The following FZD3 variants were observed in gnomAD, a reference collection of about 807,000 sequenced individuals.
FZD3 encodes the protein frizzled class receptor 3.
FZD3 carries 30 observed loss-of-function variants against 60.7 expected under a neutral mutation model. The observed-to-expected ratio is 0.49, with a 90% CI of 0.37 to 0.67. The LOEUF (loss-of-function observed/expected upper bound fraction) is 0.67. Ranked by LOEUF, FZD3 falls within the 30% of genes least tolerant of loss-of-function variation. FZD3 has a pLI of 0.00. For synonymous variants in FZD3, 246 were observed against 275.2 expected, an observed-to-expected ratio of 0.89 and a Z score of 1.05; for missense variants, 605 against 838.7, an observed-to-expected ratio of 0.72 and a Z score of 3.44.
intron 5 of FZD3, among the ~76,000 whole-genome samples, chr8:28,534,809 G>T (rs1406850219): frequency 1.3e-5 from 2 of 152,124 alleles, no homozygotes; most frequent in East Asian, 3.8e-4. Context: ...TCTGAATTAA[G>T]CACCAGTGAT....
chr8:28,494,396 C>G (rs1803778175), intron 1 of FZD3, 53 bp downstream of exon 1: 2 of 152,344 alleles, frequency 1.3e-5, no homozygotes, highest in African/African-American at 2.4e-5. Flanking sequence ...GGAGAAGGAG[C>G]GGCGAGTGTG....
chr8:28,508,497 T>C (rs1171292314), intron 3 of FZD3, among the ~76,000 whole-genome samples: 1 of 150,998 alleles, frequency 6.6e-6, no homozygotes, highest in Non-Finnish European at 1.5e-5. Flanking sequence ...TCAAGTAATA[T>C]TGCAGGGTGT....
chr8:28,511,208 C>T (rs1479958370), intron 3 of FZD3, among the ~76,000 whole-genome samples: 5 of 151,888 alleles, frequency 3.3e-5, no homozygotes, highest in African/African-American at 9.7e-5. Flanking sequence ...AAAAGTTGGC[C>T]GGGCACAGTG....
At chr8:28,538,245 A>C (rs1303069130) in intron 5 of FZD3, among the ~76,000 whole-genome samples, 1 of 152,048 alleles carries the variant, frequency 6.6e-6, no homozygotes, top group Non-Finnish European at 1.5e-5. Flanking sequence ...ACGTATTTCC[A>C]GTAATCTTTG....
At chr8:28,542,981 A>G (rs944165548) in intron 5 of FZD3, among the ~76,000 whole-genome samples, 2 of 152,146 alleles carry the variant, frequency 1.3e-5, no homozygotes, top group Non-Finnish European at 2.9e-5. Context: ...GTAGGATAGG[A>G]TGTATCTCTA....
Position 28,567,284 on chromosome 8 carries a change from A to C in FZD3, c.*4273A>C, listed in dbSNP as rs536286665. The C allele has an allele frequency of 1.3e-5, 2 of 152,272 alleles. No individual in the cohort carries two copies. The highest frequency in any genetic ancestry group is 4.8e-5 in the African/African-American group (2 of 41,510). The allele number at this position is 152,272 out of a possible 1,614,324, so 9.4% of individuals were successfully genotyped here. On this transcript the variant is annotated 3_prime_UTR_variant, in exon 8 of 8. Coordinates refer to ENST00000240093, the MANE Select transcript of FZD3 (RefSeq NM_017412.4). The stretch of plus-strand genomic sequence containing the variant: ...TTCTTCTGTCTCAGCCTCCCGAGTA[A>C]CTGGGACTACAGGTGCGTGCCACCA...
rs1238187720 is a variant in FZD3 at position 28,573,845 on chromosome 8, T to C, written c.*10834T>C. ...CTTAGCAGTTTAGTTTTCCAAACTT[T>C]ATTCTGAATCAAATTGCTGAGGTGA... On this transcript the variant is annotated 3_prime_UTR_variant, in exon 8 of 8. Coordinates refer to ENST00000240093, the MANE Select transcript of FZD3 (RefSeq NM_017412.4). 2 of 152,220 alleles carry C rather than the reference T, an allele frequency of 1.3e-5. No individual in the cohort carries two copies. The highest frequency in any genetic ancestry group is 6.5e-5 in the Admixed American group (1 of 15,272). The allele number at this position is 152,220 out of a possible 1,614,324, so 9.4% of individuals were successfully genotyped here.
chr8:28,547,856 CTT>C (rs1336981470), intron 5 of FZD3, among the ~76,000 whole-genome samples: 8 of 141,762 alleles, frequency 5.6e-5, no homozygotes, highest in Non-Finnish European at 9.3e-5. Context: ...ACAGTTGTCT[CTT>C]TTTTTTTTTT....
intron 3 of FZD3, among the ~76,000 whole-genome samples, chr8:28,510,662 G>C (rs534660582): frequency 6.6e-6 from 1 of 152,326 alleles, no homozygotes; most frequent in Non-Finnish European, 1.5e-5. Flanking sequence ...ACTGTGGACA[G>C]TAACAATATA....
chr8:28,527,080 C>G lies in FZD3; in HGVS notation c.387-67C>G. Reference sequence around the variant, plus strand: ...GTTGTGAGTGCCAGATTTGGAAATCCAAACTGTTAGATCGTGATAGATTTC... The same window carrying G: ...GTTGTGAGTGCCAGATTTGGAAATCGAAACTGTTAGATCGTGATAGATTTC... On this transcript the variant is annotated intron_variant, in intron 4 of 7. Coordinates refer to ENST00000240093, the MANE Select transcript of FZD3 (RefSeq NM_017412.4). The surrounding 1 kb of genome is among the most constrained non-coding windows in gnomAD (Gnocchi z 5.0). 1 of 1,374,868 alleles carries G rather than the reference C, an allele frequency of 7.3e-7. No homozygotes were observed. The highest frequency in any genetic ancestry group is 1.0e-6 in the Non-Finnish European group (1 of 1,004,956). The allele number at this position is 1,374,868 out of a possible 1,614,324, so 85.2% of individuals were successfully genotyped here. A position where few individuals can be genotyped will look rare whatever the true frequency, so the allele number is the denominator to read the frequency against.
chr8:28,520,611 A>G, intron 3 of FZD3, 27 bp from the exon 4 acceptor site: 1 of 1,373,230 alleles, frequency 7.3e-7, no homozygotes, highest in Non-Finnish European at 1.0e-6. Context: ...CTCTTTAACT[A>G]ATTATTCAAT....
chr8:28,553,244 C>G (rs144301749), intron 6 of FZD3, among the ~76,000 whole-genome samples: 1 of 152,192 alleles, frequency 6.6e-6, no homozygotes, highest in East Asian at 1.9e-4. Context: ...AAAAAAAATT[C>G]GTCTTCTAGG....
intron 3 of FZD3, among the ~76,000 whole-genome samples, chr8:28,516,836 A>G (rs1011550990): frequency 2.0e-5 from 3 of 151,582 alleles, no homozygotes; most frequent in Admixed American, 2.0e-4. Context: ...TTAGTTGTGC[A>G]TTCTTTTATT....
At chr8:28,530,925 A>C (rs1398926580) in intron 5 of FZD3, among the ~76,000 whole-genome samples, 1 of 152,144 alleles carries the variant, frequency 6.6e-6, no homozygotes. Flanking sequence ...CTATTTTTTA[A>C]AATGTTTCCT....
At position 28,517,312 on chromosome 8, in the gene FZD3, C is replaced by T. The variant is rs566049909; in HGVS notation, c.190-3326C>T. Among the ~76,000 whole-genome samples the T allele has an allele frequency of 1.2e-3, 190 of 152,282 alleles. 1 individual carries two copies. Among genetic ancestry groups the T allele is most frequent in the South Asian group, 3.5e-3 (17 of 4,830 alleles). On this transcript the variant is annotated intron_variant, in intron 3 of 7. Transcript: ENST00000240093. ...TGAAGTCAGCTCTGAAAGTTACTGT[C>T]GCCTCCTTGAAGGTAATATGTCTTT...
At chr8:28,520,256 TAAAG>T (rs1188551926) in intron 3 of FZD3, among the ~76,000 whole-genome samples, 3 of 150,756 alleles carry the variant, frequency 2.0e-5, no homozygotes, top group African/African-American at 7.3e-5. Context: ...AAGAAATACT[TAAAG>T]GAAGAAAACG....
intron 5 of FZD3, among the ~76,000 whole-genome samples, chr8:28,528,446 G>A (rs530346516): frequency 4.6e-5 from 7 of 151,642 alleles, no homozygotes; most frequent in Admixed American, 3.9e-4. Context: ...GTGCAGTTTC[G>A]TGGGGGAGAA....
At chr8:28,500,071 T>G (rs1355716692) in intron 2 of FZD3, 93 bp downstream of exon 2, 1 of 152,168 alleles carries the variant, frequency 6.6e-6, no homozygotes, top group African/African-American at 2.4e-5. Flanking sequence ...ACTGCTGTTT[T>G]GGGGGAAATG....
chr8:28,527,324 T>C lies in FZD3; in HGVS notation c.564T>C (p.Pro188=). The C allele has an allele frequency of 1.9e-6, 3 of 1,614,050 alleles. No homozygotes were observed. The highest frequency in any genetic ancestry group is 2.5e-6 in the Non-Finnish European group (3 of 1,179,880). ...SFLHVRDCSP[P]CPNMYFRREE... ...TGCATGTGCGTGATTGTTCACCTCC[T>C]TGTCCAAATATGTACTTCAGAAGAG... Residue 188 remains proline (P), a synonymous_variant, in exon 5 of 8, where the codon CCT becomes CCC. Coordinates refer to ENST00000240093, the MANE Select transcript of FZD3 (RefSeq NM_017412.4). The surrounding 1 kb of genome is among the most constrained non-coding windows in gnomAD (Gnocchi z 5.0).
Sources: allele counts gnomAD v4.1 joint callset (sites outside exome capture counted in the v4.1 genomes callset), GRCh38; gene constraint gnomAD v4.1.1; non-coding constraint Gnocchi (gnomAD v3.1); transcripts MANE v1.5; gene names NCBI Gene and HGNC (gene_info 2026-07-23, HGNC 2026-07-21).